Variants in CTIF observed in about 807,000 individuals in gnomAD.
CTIF encodes the protein CBP80/20-dependent translation initiation factor.
CTIF carries 21 observed loss-of-function variants against 66.0 expected under a neutral mutation model. The observed-to-expected ratio is 0.32, with a 90% CI of 0.23 to 0.46. The LOEUF (loss-of-function observed/expected upper bound fraction) is 0.46, where lower values mean the gene tolerates loss of function less well. Ranked by LOEUF, CTIF falls within the 20% of genes least tolerant of loss-of-function variation. CTIF has a pLI of 1.00. For missense variants in CTIF, 739 were observed against 812.7 expected (o/e 0.91, Z 1.10); for synonymous variants, 345 against 326.4 (o/e 1.06, Z -0.62).
At chr18:48,855,365 A>T (rs765133772) in intron 10 of CTIF, among the ~76,000 whole-genome samples, 1 of 152,242 alleles carries the variant, frequency 6.6e-6, no homozygotes, top group Non-Finnish European at 1.5e-5. Context: ...TTGAGTACCT[A>T]CTAGACATAG....
intron 9 of CTIF, among the ~76,000 whole-genome samples, chr18:48,765,214 G>T (rs905500670): frequency 6.6e-6 from 1 of 151,996 alleles, no homozygotes; most frequent in African/African-American, 2.4e-5. Flanking sequence ...ATCCCTTCCT[G>T]GCAGGCAGTT....
intron 9 of CTIF, among the ~76,000 whole-genome samples, chr18:48,803,115 A>C (rs985975265): frequency 6.6e-6 from 1 of 152,262 alleles, no homozygotes; most frequent in East Asian, 1.9e-4. Flanking sequence ...CCTACGGATC[A>C]GCAGAGCTGA....
At chr18:48,593,689 ATTC>A (rs2089936295) in intron 1 of CTIF, among the ~76,000 whole-genome samples, 1 of 151,218 alleles carries the variant, frequency 6.6e-6, no homozygotes, top group Non-Finnish European at 1.5e-5. Context: ...GCCAATTCGA[ATTC>A]TTTTGTATTT....
rs534821964 is a variant in CTIF at position 48,617,780 on chromosome 18, G to T, written c.-28-1758G>T. ...CATCTGGTTCCCTCATTCTGAAAAG[G>T]GCACCGCCTTGGCCTGAAACCTCCA... On this transcript the variant is annotated intron_variant, in intron 1 of 11. Transcript: ENST00000256413. 2.1e-3 allele frequency among the ~76,000 whole-genome samples: 320 copies of T among 152,266 alleles called. 1 individual carries two copies. Among genetic ancestry groups the T allele is most frequent in the African/African-American group, 7.1e-3 (296 of 41,550 alleles).
chr18:48,733,741 T>A (rs999813926), intron 7 of CTIF, among the ~76,000 whole-genome samples: 1 of 152,080 alleles, frequency 6.6e-6, no homozygotes, highest in Non-Finnish European at 1.5e-5. Context: ...GGCCAAGAGG[T>A]CAGCTTCAGG....
At chr18:48,724,309 C>T (rs185186096) in intron 7 of CTIF, among the ~76,000 whole-genome samples, 44 of 152,288 alleles carry the variant, frequency 2.9e-4, no homozygotes, top group Non-Finnish European at 6.3e-4. Context: ...AACTGGTTCG[C>T]GCTCCCTGAC....
At chr18:48,737,031 T>G (rs1473055958) in intron 7 of CTIF, among the ~76,000 whole-genome samples, 1 of 152,130 alleles carries the variant, frequency 6.6e-6, no homozygotes, top group East Asian at 1.9e-4. Context: ...ATTCTCCACA[T>G]GGCTCCATGT....
chr18:48,814,036 C>T (rs1325326222), intron 9 of CTIF, among the ~76,000 whole-genome samples: 3 of 152,200 alleles, frequency 2.0e-5, no homozygotes, highest in Non-Finnish European at 4.4e-5. Flanking sequence ...TCTTCTGGGT[C>T]CCCTGGGCAA....
At chr18:48,601,511 T>C (rs2090090325) in intron 1 of CTIF, among the ~76,000 whole-genome samples, 1 of 152,226 alleles carries the variant, frequency 6.6e-6, no homozygotes. Flanking sequence ...AGAAAACATC[T>C]GGCCAGCCTC....
intron 1 of CTIF, among the ~76,000 whole-genome samples, chr18:48,616,145 C>A (rs2090395700): frequency 6.6e-6 from 1 of 152,218 alleles, no homozygotes; most frequent in Non-Finnish European, 1.5e-5. Context: ...AGAGTTCCTG[C>A]AAAACCCGGT....
At chr18:48,740,705 T>C (rs2092546025) in intron 7 of CTIF, among the ~76,000 whole-genome samples, 1 of 152,220 alleles carries the variant, frequency 6.6e-6, no homozygotes, top group Admixed American at 6.5e-5. Context: ...ACCACGCACC[T>C]TGTTCTTTTG....
intron 9 of CTIF, among the ~76,000 whole-genome samples, chr18:48,789,739 A>G (rs1323298626): frequency 2.0e-5 from 3 of 152,256 alleles, no homozygotes; most frequent in South Asian, 2.1e-4. Flanking sequence ...ACTCAAACCT[A>G]CAATATCCAA....
At chr18:48,642,286 A>C (rs1200134374) in intron 3 of CTIF, among the ~76,000 whole-genome samples, 1 of 152,220 alleles carries the variant, frequency 6.6e-6, no homozygotes, top group Non-Finnish European at 1.5e-5. Context: ...CCTGGCCACA[A>C]GAACTGTGGT....
intron 7 of CTIF, among the ~76,000 whole-genome samples, chr18:48,730,329 GCCC>G (rs1568171108): frequency 3.4e-4 from 35 of 104,106 alleles, no homozygotes; most frequent in African/African-American, 1.1e-3. Context: ...GGTGTGAGGG[GCCC>G]CTGCGGTGTG....
intron 10 of CTIF, among the ~76,000 whole-genome samples, chr18:48,844,161 G>A (rs1216572431): frequency 6.6e-6 from 1 of 152,234 alleles, no homozygotes; most frequent in Non-Finnish European, 1.5e-5. Flanking sequence ...TGGACTGGGG[G>A]CAGTGAGCAC....
At chr18:48,814,136 A>G (rs1241303793) in intron 9 of CTIF, among the ~76,000 whole-genome samples, 1 of 152,126 alleles carries the variant, frequency 6.6e-6, no homozygotes, top group Non-Finnish European at 1.5e-5. Context: ...CTTCCTTCTC[A>G]GTGTTGCTGT....
At chr18:48,567,885 G>A (rs2089314511) in intron 1 of CTIF, 1 of 152,312 alleles carries the variant, frequency 6.6e-6, no homozygotes, top group Non-Finnish European at 1.5e-5. Flanking sequence ...GTTGTACTTA[G>A]GGTGTCAGCG....
At chr18:48,621,555 G>A in intron 2 of CTIF, 2 of 392,434 alleles carry the variant, frequency 5.1e-6, no homozygotes, top group East Asian at 1.1e-4. Context: ...CAGTGAGGCA[G>A]GAGGGAACCA....
At chr18:48,830,296 C>T (rs571367158) in intron 10 of CTIF, among the ~76,000 whole-genome samples, 6 of 152,156 alleles carry the variant, frequency 3.9e-5, no homozygotes, top group African/African-American at 9.6e-5. Flanking sequence ...CCTGAGTAGC[C>T]GGGATTACAG....
Sources: gnomAD v4.1 joint callset for allele counts (sites outside exome capture counted in the v4.1 genomes callset) on GRCh38, gnomAD v4.1.1 for gene constraint, MANE v1.5 for transcripts, NCBI Gene and HGNC (gene_info 2026-07-23, HGNC 2026-07-21) for gene names.